Variants in ARHGEF1 observed in about 807,000 individuals in gnomAD.
The protein encoded by ARHGEF1 is Rho guanine nucleotide exchange factor 1.
ARHGEF1 carries 40 observed loss-of-function variants against 119.7 expected under a neutral mutation model. The observed-to-expected ratio is 0.33, with a 90% CI of 0.26 to 0.44. The LOEUF is 0.44. Ranked by LOEUF, ARHGEF1 falls within the 20% of genes least tolerant of loss-of-function variation. The pLI is 1.00. For missense variants in ARHGEF1, 976 were observed against 1,268.3 expected (o/e 0.77, Z 3.50); for synonymous variants, 494 against 521.0 (o/e 0.95, Z 0.71).
rs1359076784 is a variant in ARHGEF1 at position 41,916,580 on chromosome 19, ACAAT to A, written c.1866-6508_1866-6505del. 5.9e-5 allele frequency among the ~76,000 whole-genome samples: 9 copies of A among 152,290 alleles called. No individual in the cohort carries two copies. Among genetic ancestry groups the A allele is most frequent in the South Asian group, 2.1e-4 (1 of 4,826 alleles). On this transcript the variant is annotated intron_variant, in intron 18 of 20. Coordinates refer to the ARHGEF1 transcript ENST00000599589. The surrounding 1 kb of genome is among the most constrained non-coding windows in gnomAD (Gnocchi z 5.4). Reference sequence around the variant, plus strand: ...AACACATAATCACACACTGAGGCTCACAATCAAATACAGAAACCCAGATTCCCAA... The same window carrying A: ...AACACATAATCACACACTGAGGCTCACAAATACAGAAACCCAGATTCCCAA...
At chr19:41,896,957 C>T (rs1212864755) in intron 13 of ARHGEF1, 5 of 373,882 alleles carry the variant, frequency 1.3e-5, no homozygotes, top group Non-Finnish European at 2.6e-5. Flanking sequence ...CTCTCACCTT[C>T]CCCCTCCTCT....
chr19:41,913,538 C>G (rs577628107), intron 18 of ARHGEF1, among the ~76,000 whole-genome samples: 27 of 151,740 alleles, frequency 1.8e-4, no homozygotes, highest in Non-Finnish European at 4.0e-4. Context: ...GCACCCCCTC[C>G]TCCAGTCCTC....
In ARHGEF1 at chr19:41,888,321, T is replaced by A; in HGVS notation, c.111+43T>A. On this transcript the variant is annotated intron_variant, in intron 3 of 28. Coordinates refer to ENST00000354532, the MANE Select transcript of ARHGEF1 (RefSeq NM_004706.4). The surrounding 1 kb of genome is among the most constrained non-coding windows in gnomAD (Gnocchi z 5.1). ...TGGAAAAGCTCTGTCCCAGGCTCAG[T>A]GTCCCGCCCCAGGTCCCCTCCCACC... is the stretch of plus-strand genomic sequence containing the variant. 6.3e-7 allele frequency: 1 copy of A among 1,596,366 alleles called. No homozygotes were observed. Among genetic ancestry groups the A allele is most frequent in the Non-Finnish European group, 8.6e-7 (1 of 1,167,944 alleles).
chr19:41,893,324 G>A (rs782379756), intron 8 of ARHGEF1, 21 bp downstream of exon 8: 13 of 1,593,164 alleles, frequency 8.2e-6, no homozygotes, highest in African/African-American at 5.5e-5. Flanking sequence ...CAGGGGAGGC[G>A]TGCGGCCTCC....
intron 2 of ARHGEF1, among the ~76,000 whole-genome samples, chr19:41,929,358 C>T (rs910164282): frequency 6.6e-6 from 1 of 152,112 alleles, no homozygotes; most frequent in Non-Finnish European, 1.5e-5. Context: ...CCTTCACACT[C>T]CCACAAGGTC....
rs891042259 is a variant in ARHGEF1 at position 41,903,893 on chromosome 19, G to A, written c.1917+109G>A. 16 of 1,378,616 alleles carry A rather than the reference G, an allele frequency of 1.2e-5. No homozygotes were observed. The highest frequency in any genetic ancestry group is 8.5e-5 in the South Asian group (7 of 82,522). 85.4% of individuals were successfully genotyped at this position (1,378,616 alleles called of 1,614,324 possible). A position where few individuals can be genotyped will look rare whatever the true frequency, so the allele number is the denominator to read the frequency against. ...CCATCCCATAATACACCCAGGAAGC[G>A]AGAGCTCTGTCCCCCACCTCATGCC... On this transcript the variant is annotated intron_variant, in intron 20 of 28. Transcript: ENST00000354532. The surrounding 1 kb of genome is among the most constrained non-coding windows in gnomAD (Gnocchi z 4.2).
chr19:41,912,998 C>G, intron 18 of ARHGEF1: 1 of 714,866 alleles, frequency 1.4e-6, no homozygotes, highest in Non-Finnish European at 1.9e-6. Flanking sequence ...GGTCAGCCAG[C>G]GGGGCGCTGC....
Position 41,888,857 on chromosome 19 carries a change from G to C in ARHGEF1, c.217G>C (p.Gly73Arg), listed in dbSNP as rs1355959059. ...LQHVALQFEP[G>R]PLLCCLHADM... ...GCACGTGGCCCTGCAGTTTGAGCCA[G>C]GACCCCTGGTGAGGGCAGGGCTGGG... The change falls in exon 4 of 29, where the codon GGA becomes CGA. Residue 73 changes from glycine (G) to arginine (R), a missense_variant. Gly to Arg is a moderately radical substitution (Grantham distance 125). Around this residue, in one of 3 missense-constraint regions of ARHGEF1, gnomAD observed 519 missense variants for 580.9 expected, o/e 0.89. Coordinates refer to ENST00000354532, the MANE Select transcript of ARHGEF1 (RefSeq NM_004706.4). The surrounding 1 kb of genome is among the most constrained non-coding windows in gnomAD (Gnocchi z 5.1). 1 of 1,613,838 alleles carries C rather than the reference G, an allele frequency of 6.2e-7. No homozygotes were observed. Among genetic ancestry groups the C allele is most frequent in the Admixed American group, 1.7e-5 (1 of 60,010 alleles).
intron 18 of ARHGEF1, among the ~76,000 whole-genome samples, chr19:41,915,869 C>T (rs1263638291): frequency 2.6e-5 from 4 of 152,180 alleles, no homozygotes; most frequent in African/African-American, 4.8e-5. Context: ...GCAGGACGGC[C>T]GGACAGATGG....
At position 41,888,484 on chromosome 19, in the gene ARHGEF1, G is replaced by A. The variant is rs1257619551; in HGVS notation, c.111+206G>A. 4.0e-5 allele frequency among the ~76,000 whole-genome samples: 6 copies of A among 151,856 alleles called. No individual in the cohort carries two copies. Among genetic ancestry groups the A allele is most frequent in the South Asian group, 2.1e-4 (1 of 4,810 alleles). ...CTTACTCTTAACCCCATTTCTTATC[G>A]TTGCTCTCTCCTCCCCCAGCATGGA... On this transcript the variant is annotated intron_variant, in intron 3 of 28. Transcript: ENST00000354532. The surrounding 1 kb of genome is among the most constrained non-coding windows in gnomAD (Gnocchi z 5.1).
intron 1 of ARHGEF1, among the ~76,000 whole-genome samples, chr19:41,926,254 G>A (rs1555853259): frequency 6.6e-6 from 1 of 151,960 alleles, no homozygotes; most frequent in Non-Finnish European, 1.5e-5. Flanking sequence ...AAGGGCAGGT[G>A]TGAGGGGGAC....
At position 41,904,334 on chromosome 19, in the gene ARHGEF1, G is replaced by T. The variant is rs781935083; in HGVS notation, c.2112G>T (p.Leu704=). The change falls in exon 22 of 29, where the codon CTG becomes CTT. Residue 704 remains leucine, a synonymous_variant. Coordinates refer to ENST00000354532, the MANE Select transcript of ARHGEF1 (RefSeq NM_004706.4). This position sits in a 1 kb window ranked among gnomAD's most constrained non-coding sequence, Gnocchi z 8.4. ...CCACGCCCGATGGCAAGACCATGCT[G>T]CGGCCCGTGCTGCGGCTCACCTCCG... ...LTPTPDGKTM[L]RPVLRLTSAM... is the part of the protein sequence containing the mutation. 6.9e-6 allele frequency: 11 copies of T among 1,603,148 alleles called. No homozygotes were observed. The highest frequency in any genetic ancestry group is 1.7e-5 in the Admixed American group (1 of 59,042).
chr19:41,906,744 T>G lies in ARHGEF1; in HGVS notation c.2697T>G (p.Ser899=), dbSNP rs1343562629. The G allele has an allele frequency of 6.2e-7, 1 of 1,611,634 alleles. No individual in the cohort carries two copies. Among genetic ancestry groups the G allele is most frequent in the Non-Finnish European group, 8.5e-7 (1 of 1,179,122 alleles). The part of the protein sequence containing the change: ...EEFCRLRPLL[S]QLGGNSVPQP... ...TTTGCCGCCTGAGACCCCTCCTGTC[T>G]CAGCTTGGGGGGAACTCTGTCCCCC... Residue 899 remains serine (S), a synonymous_variant, in exon 28 of 29, where the codon TCT becomes TCG. Transcript: ENST00000354532. This position sits in a 1 kb window ranked among gnomAD's most constrained non-coding sequence, Gnocchi z 4.5.
At position 41,903,423 on chromosome 19, in the gene ARHGEF1, C is replaced by G. The variant is rs1555849472; in HGVS notation, c.1839+16C>G. On this transcript the variant is annotated intron_variant, in intron 19 of 28. Coordinates refer to ENST00000354532, the MANE Select transcript of ARHGEF1 (RefSeq NM_004706.4). The surrounding 1 kb of genome is among the most constrained non-coding windows in gnomAD (Gnocchi z 4.2). Reference sequence around the variant, plus strand: ...GGACCTGCTGGTGAGCCTGGGCTGGCCCCACACCCGGGACAGTGGATGGTG... The same window carrying G: ...GGACCTGCTGGTGAGCCTGGGCTGGGCCCACACCCGGGACAGTGGATGGTG... The G allele has an allele frequency of 1.9e-6, 3 of 1,611,778 alleles. No individual in the cohort carries two copies. Among genetic ancestry groups the G allele is most frequent in the East Asian group, 4.5e-5 (2 of 44,862 alleles).
At position 41,906,494 on chromosome 19, in the gene ARHGEF1, A is replaced by C; in HGVS notation, c.2529A>C (p.Glu843Asp). The part of the protein sequence containing the change: ...SLKQLLFPAE[E>D]DNGAGPPRDG... ...AGCAGCTTCTGTTTCCGGCGGAGGAAGACAATGGGGCGGGGCCTCCTCGAG... is the reference window on the plus strand; with the variant it reads ...AGCAGCTTCTGTTTCCGGCGGAGGACGACAATGGGGCGGGGCCTCCTCGAG... The change falls in exon 27 of 29, where the codon GAA becomes GAC. Residue 843 changes from glutamate (E) to aspartate (D), a missense_variant. This residue lies in a region of ARHGEF1 where 171 missense variants were observed against 180.6 expected (regional missense o/e 0.95). Transcript: ENST00000354532. The surrounding 1 kb of genome is among the most constrained non-coding windows in gnomAD (Gnocchi z 4.5). 2.5e-6 allele frequency: 4 copies of C among 1,579,786 alleles called. No homozygotes were observed. The highest frequency in any genetic ancestry group is 3.4e-6 in the Non-Finnish European group (4 of 1,170,234).
Position 41,917,426 on chromosome 19 carries a change from C to T in ARHGEF1, c.1866-5666C>T, listed in dbSNP as rs1461028527. Among the ~76,000 whole-genome samples the T allele has an allele frequency of 1.3e-5, 2 of 152,064 alleles. No individual in the cohort carries two copies. The highest frequency in any genetic ancestry group is 2.4e-5 in the African/African-American group (1 of 41,378). ...AAGCTGCGCCGGCCGCCTCGGGAGC[C>T]GCCTCGGGCCTCGCACCCCCACCAC... On this transcript the variant is annotated intron_variant, in intron 18 of 20. Transcript: ENST00000599589. The surrounding 1 kb of genome is among the most constrained non-coding windows in gnomAD (Gnocchi z 4.8).
rs1259115062 is a variant in ARHGEF1 at position 41,889,677 on chromosome 19, G to T, written c.225+812G>T. 2 of 152,314 alleles carry T rather than the reference G, an allele frequency of 1.3e-5. No homozygotes were observed. The allele number at this position is 152,314 out of a possible 1,614,324, so 9.4% of individuals were successfully genotyped here. Reference sequence around the variant, plus strand: ...CCTCCAGAAAACAAGGAAACCGATAGAGTGGGGAGAAGTGCCCGAGGCATG... The same window carrying T: ...CCTCCAGAAAACAAGGAAACCGATATAGTGGGGAGAAGTGCCCGAGGCATG... On this transcript the variant is annotated intron_variant, in intron 4 of 28. Transcript: ENST00000354532. The surrounding 1 kb of genome is among the most constrained non-coding windows in gnomAD (Gnocchi z 4.0).
chr19:41,924,092 C>T (rs1213719464), intron 1 of ARHGEF1, among the ~76,000 whole-genome samples: 1 of 151,108 alleles, frequency 6.6e-6, no homozygotes, highest in African/African-American at 2.4e-5. Flanking sequence ...TGTGGAATGA[C>T]AGCCTTAGCC....
Position 41,903,044 on chromosome 19 carries a change from A to C in ARHGEF1, c.1738+146A>C, listed in dbSNP as rs1304893588. On this transcript the variant is annotated intron_variant, in intron 18 of 28. Coordinates refer to ENST00000354532, the MANE Select transcript of ARHGEF1 (RefSeq NM_004706.4). The surrounding 1 kb of genome is among the most constrained non-coding windows in gnomAD (Gnocchi z 4.2). ...ACCATCCTCCCACCTCAGCTCCCCA[A>C]GTAGCTGGGACCCCAAGGGCACACC... is the stretch of plus-strand genomic sequence containing the variant. 12 of 740,318 alleles carry C rather than the reference A, an allele frequency of 1.6e-5. No individual in the cohort carries two copies. Among genetic ancestry groups the C allele is most frequent in the Non-Finnish European group, 2.4e-5 (11 of 464,490 alleles). The allele number at this position is 740,318 out of a possible 1,614,324, so 45.9% of individuals were successfully genotyped here. A position where few individuals can be genotyped will look rare whatever the true frequency, so the allele number is the denominator to read the frequency against.
Sources: allele counts gnomAD v4.1 joint callset (sites outside exome capture counted in the v4.1 genomes callset), GRCh38; gene constraint gnomAD v4.1.1; regional missense constraint gnomAD v4.1.1; non-coding constraint Gnocchi (gnomAD v3.1); transcripts MANE v1.5; gene names NCBI Gene and HGNC (gene_info 2026-07-23, HGNC 2026-07-21).